Variants in NALCN observed in about 807,000 individuals in gnomAD.
NALCN encodes the protein sodium leak channel, non-selective.
Under a neutral mutation model 225.3 loss-of-function variants are expected in NALCN, and 111 were observed. The ratio of observed to expected loss-of-function variants is 0.49; its 90% CI spans 0.42 to 0.58. NALCN has a LOEUF of 0.58. Ranked by LOEUF, NALCN falls within the 20% of genes least tolerant of loss-of-function variation. The pLI is 0.00. For synonymous variants in NALCN, 764 were observed against 769.0 expected (o/e 0.99, Z 0.11); for missense variants, 1,378 against 2,202.4 (o/e 0.63, Z 7.49).
chr13:101,232,909 G>T (rs2041408356), intron 12 of NALCN, among the ~76,000 whole-genome samples: 1 of 151,894 alleles, frequency 6.6e-6, no homozygotes, highest in African/African-American at 2.4e-5. Flanking sequence ...ATTTTTATCA[G>T]ATTTGTCTAT....
At chr13:101,112,340 C>T (rs1421239554) in intron 18 of NALCN, among the ~76,000 whole-genome samples, 1 of 152,102 alleles carries the variant, frequency 6.6e-6, no homozygotes, top group Non-Finnish European at 1.5e-5. Context: ...AATAACTGGA[C>T]TTGTGTTAAT....
At chr13:101,338,049 C>T (rs1341676931) in intron 7 of NALCN, among the ~76,000 whole-genome samples, 1 of 152,162 alleles carries the variant, frequency 6.6e-6, no homozygotes. Flanking sequence ...ATAAATGATA[C>T]CAACAGTTGT....
intron 7 of NALCN, among the ~76,000 whole-genome samples, chr13:101,304,758 C>CAT (rs1555332741): frequency 1.6e-4 from 20 of 122,814 alleles, no homozygotes; most frequent in Non-Finnish European, 3.3e-4. Flanking sequence ...TTTTTCTTTT[C>CAT]TTTTTTTTTT....
At position 101,061,935 on chromosome 13, in the gene NALCN, G is replaced by A. The variant is rs747255486; in HGVS notation, c.4755+33C>T. ...CTGCGGGGCAGGGCGGGGCGGGGCG[G>A]GGACCCAACCTGCATGTGTGCAGTT... On this transcript the variant is annotated intron_variant, in intron 41 of 43. Coordinates refer to ENST00000251127, the MANE Select transcript of NALCN (RefSeq NM_052867.4). 3.8e-6 allele frequency: 6 copies of A among 1,591,102 alleles called. No individual in the cohort carries two copies. The South Asian group carries it at 6.8e-5, about 18-fold the overall frequency.
At chr13:101,109,339 T>C (rs566486379) in intron 20 of NALCN, among the ~76,000 whole-genome samples, 68 of 152,284 alleles carry the variant, frequency 4.5e-4, no homozygotes, top group African/African-American at 1.6e-3. Context: ...ACTAGAACCA[T>C]GTCTATAGGG....
chr13:101,097,559 T>C (rs2034578747), intron 27 of NALCN, among the ~76,000 whole-genome samples: 1 of 152,336 alleles, frequency 6.6e-6, no homozygotes, highest in South Asian at 2.1e-4. Flanking sequence ...TCCCTGCTTC[T>C]CCACTTATTA....
chr13:101,207,953 A>T (rs754632854), intron 13 of NALCN, among the ~76,000 whole-genome samples: 3 of 152,202 alleles, frequency 2.0e-5, no homozygotes, highest in Non-Finnish European at 2.9e-5. Context: ...CAGCGAGACC[A>T]CGAACCCACC....
intron 15 of NALCN, among the ~76,000 whole-genome samples, chr13:101,167,860 G>T (rs1413229433): frequency 2.7e-5 from 4 of 149,248 alleles, no homozygotes; most frequent in South Asian, 2.1e-4. Flanking sequence ...AACAAAAACT[G>T]TTAAGTCGAA....
Position 101,055,052 on chromosome 13 carries a change from C to T in NALCN, c.*243G>A, listed in dbSNP as rs1219853317. 3.7e-5 allele frequency: 18 copies of T among 480,180 alleles called. No individual in the cohort carries two copies. Among genetic ancestry groups the T allele is most frequent in the South Asian group, 3.3e-4 (9 of 27,456 alleles). 29.7% of individuals were successfully genotyped at this position (480,180 alleles called of 1,614,324 possible). ...TTTTTAAGTGATATACATTTGCTTG[C>T]GGTATCATTTCTAATATTATCAGTA... On this transcript the variant is annotated 3_prime_UTR_variant, in exon 44 of 44. Transcript: ENST00000251127.
chr13:101,270,699 C>T (rs1431806716), intron 10 of NALCN, among the ~76,000 whole-genome samples: 2 of 152,162 alleles, frequency 1.3e-5, no homozygotes, highest in South Asian at 2.1e-4. Context: ...TATGTCTAAA[C>T]CTGTCAGCAG....
chr13:101,301,419 G>C (rs188060006), intron 7 of NALCN, among the ~76,000 whole-genome samples: 1 of 152,264 alleles, frequency 6.6e-6, no homozygotes, highest in East Asian at 1.9e-4. Flanking sequence ...TTTTCCATTA[G>C]TTGTCTTAAG....
At chr13:101,127,132 C>T (rs1341163019) in intron 17 of NALCN, among the ~76,000 whole-genome samples, 1 of 152,196 alleles carries the variant, frequency 6.6e-6, no homozygotes, top group Non-Finnish European at 1.5e-5. Flanking sequence ...TTAGGAAAAA[C>T]TTTTGGGATA....
chr13:101,278,580 C>G (rs1254964982), intron 10 of NALCN, among the ~76,000 whole-genome samples: 1 of 149,674 alleles, frequency 6.7e-6, no homozygotes, highest in Non-Finnish European at 1.5e-5. Flanking sequence ...TGATGCTATT[C>G]CTAACACTAT....
At chr13:101,278,522 CAAA>C (rs3061766) in intron 10 of NALCN, among the ~76,000 whole-genome samples, 1 of 87,474 alleles carries the variant, frequency 1.1e-5, no homozygotes, top group Non-Finnish European at 2.1e-5. Flanking sequence ...GACTCTGTCT[CAAA>C]AAAAAAAAAA....
Position 101,251,853 on chromosome 13 carries a change from G to A in NALCN, c.1266+6590C>T, listed in dbSNP as rs560982070. The stretch of plus-strand genomic sequence containing the variant: ...CTCTCAAGCTGTAACTTCTCTCAGC[G>A]AACTAGCACCTTGGCAGTTTATGAC... On this transcript the variant is annotated intron_variant, in intron 11 of 43. Transcript: ENST00000251127. Among the ~76,000 whole-genome samples, 356 of 152,202 alleles carry A rather than the reference G, an allele frequency of 2.3e-3. 1 individual carries two copies. The highest frequency in any genetic ancestry group is 7.8e-3 in the African/African-American group (322 of 41,544).
intron 1 of NALCN, among the ~76,000 whole-genome samples, chr13:101,403,584 T>A (rs1594790162): frequency 6.6e-6 from 1 of 152,240 alleles, no homozygotes; most frequent in Admixed American, 6.5e-5. Context: ...ATACAACTTG[T>A]ATAAAATGAA....
chr13:101,327,684 G>C (rs2045010751), intron 7 of NALCN, among the ~76,000 whole-genome samples: 1 of 152,150 alleles, frequency 6.6e-6, no homozygotes, highest in Admixed American at 6.5e-5. Context: ...CATCGAGTCA[G>C]GGAAAGAGGG....
intron 22 of NALCN, among the ~76,000 whole-genome samples, chr13:101,106,538 C>A: frequency 6.6e-6 from 1 of 152,132 alleles, no homozygotes; most frequent in East Asian, 1.9e-4. Flanking sequence ...GGCTCTGCGT[C>A]CCTACCCAAA....
intron 18 of NALCN, among the ~76,000 whole-genome samples, chr13:101,112,982 C>CAT (rs1316833645): frequency 2.0e-5 from 3 of 152,000 alleles, no homozygotes; most frequent in Non-Finnish European, 4.4e-5. Flanking sequence ...CTAAATATGT[C>CAT]ATATTTAAGT....
Sources: gnomAD v4.1 joint callset for allele counts (sites outside exome capture counted in the v4.1 genomes callset) on GRCh38, gnomAD v4.1.1 for gene constraint, MANE v1.5 for transcripts, NCBI Gene and HGNC (gene_info 2026-07-23, HGNC 2026-07-21) for gene names.